The following GRIN1 variants were observed in gnomAD, a reference collection of about 807,000 sequenced individuals.
The protein encoded by GRIN1 is glutamate ionotropic receptor NMDA type subunit 1.
GRIN1 carries 38 observed loss-of-function variants against 103.0 expected under a neutral mutation model. That is an observed-to-expected ratio of 0.37 (90% CI 0.28 to 0.48). GRIN1 has a LOEUF of 0.48. GRIN1 is among the 20% of genes least tolerant of loss of function. The pLI, the probability that GRIN1 is intolerant of heterozygous loss-of-function variation, is 0.98. For synonymous variants in GRIN1, 544 were observed against 532.7 expected (o/e 1.02, Z -0.29); for missense variants, 577 against 1,288.9 (o/e 0.45, Z 8.46).
intron 3 of GRIN1, among the ~76,000 whole-genome samples, chr9:137,147,686 A>C (rs531291251): frequency 3.3e-5 from 5 of 152,294 alleles, no homozygotes; most frequent in African/African-American, 1.2e-4. Flanking sequence ...CCAGTTAGTG[A>C]GGATACCTCG....
intron 3 of GRIN1, among the ~76,000 whole-genome samples, chr9:137,148,651 A>T (rs1832678326): frequency 6.6e-6 from 1 of 152,206 alleles, no homozygotes; most frequent in African/African-American, 2.4e-5. Context: ...TGCATTCCAA[A>T]ACTCTTTTCT....
Position 137,146,215 on chromosome 9 carries a change from C to T in GRIN1, c.570+313C>T, listed in dbSNP as rs1008405717. On this transcript the variant is annotated intron_variant, in intron 3 of 19. Transcript: ENST00000371561. The surrounding 1 kb of genome is among the most constrained non-coding windows in gnomAD (Gnocchi z 6.7). ...CCATGCCCCTCGCTCCCTGGAGGCC[C>T]CAGCCGGGCTTGGGACTCGTCACCC... Among the ~76,000 whole-genome samples the T allele has an allele frequency of 5.3e-5, 8 of 152,108 alleles. No individual in the cohort carries two copies. The highest frequency in any genetic ancestry group is 1.7e-4 in the African/African-American group (7 of 41,414).
At chr9:137,151,059 C>T (rs1351144158) in intron 4 of GRIN1, among the ~76,000 whole-genome samples, 4 of 145,746 alleles carry the variant, frequency 2.7e-5, no homozygotes, top group Non-Finnish European at 3.0e-5. Context: ...AAAGTCCCGC[C>T]CAGGGAAAGC....
chr9:137,152,639 C>CAGGTTGAT (rs1832972930), intron 4 of GRIN1, among the ~76,000 whole-genome samples: 1 of 151,878 alleles, frequency 6.6e-6, no homozygotes, highest in Non-Finnish European at 1.5e-5. Context: ...CACAGGTTGA[C>CAGGTTGAT]CCCGCGTTGC....
chr9:137,167,744 G>A lies in GRIN1; in HGVS notation c.*217G>A. 6.2e-7 allele frequency: 1 copy of A among 1,611,308 alleles called. No homozygotes were observed. Among genetic ancestry groups the A allele is most frequent in the South Asian group, 1.1e-5 (1 of 91,058 alleles). Reference sequence around the variant, plus strand: ...CGTGCCCCCAGCGTGGGGCTAACGGGCGCCTTGTCTGTGTATTTCTATTTT... The same window carrying A: ...CGTGCCCCCAGCGTGGGGCTAACGGACGCCTTGTCTGTGTATTTCTATTTT... On this transcript the variant is annotated 3_prime_UTR_variant, in exon 20 of 20. Transcript: ENST00000371561.
chr9:137,158,357 T>C, intron 6 of GRIN1, 22 bp from the exon 7 acceptor site: 2 of 1,612,774 alleles, frequency 1.2e-6, no homozygotes, highest in Non-Finnish European at 1.7e-6. Flanking sequence ...CTGAGAAGCC[T>C]CAGCTATGCT....
chr9:137,144,618 G>A (rs1484234912), intron 2 of GRIN1, among the ~76,000 whole-genome samples: 3 of 150,260 alleles, frequency 2.0e-5, no homozygotes, highest in Non-Finnish European at 4.4e-5. Flanking sequence ...TTGCACTCCA[G>A]CCTGGGTAAC....
rs75761818 is a variant in GRIN1, at chr9:137,165,558, C to T, written c.2700+262C>T. 3.3e-4 allele frequency: 172 copies of T among 528,006 alleles called. No homozygotes were observed. In the East Asian group the frequency reaches 4.4e-3, roughly 14 times the overall value. The allele number at this position is 528,006 out of a possible 1,614,324, so 32.7% of individuals were successfully genotyped here. On this transcript the variant is annotated intron_variant, in intron 19 of 19. Coordinates refer to ENST00000371561, the MANE Select transcript of GRIN1 (RefSeq NM_007327.4). ...CCCACCTCCCCTGCCATGACCCACA[C>T]GCCATCTTGAAGCCTGTCATCTCGT... is the stretch of plus-strand genomic sequence containing the variant.
rs527361723 is a variant in GRIN1 at position 137,149,208 on chromosome 9, C to T, written c.671+99C>T. The T allele has an allele frequency of 1.3e-5, 11 of 843,796 alleles. No homozygotes were observed. The African/African-American group carries it at 1.3e-4, about 10-fold the overall frequency. The allele number at this position is 843,796 out of a possible 1,614,324, so 52.3% of individuals were successfully genotyped here. A position where few individuals can be genotyped will look rare whatever the true frequency, so the allele number is the denominator to read the frequency against. ...GCTGGGACATTGTTGGGCACAGTGA[C>T]CTTCAGCTTCCAAAGCACCTTCACC... On this transcript the variant is annotated intron_variant, in intron 4 of 19. Transcript: ENST00000371561.
At chr9:137,158,265 G>A in intron 6 of GRIN1, 114 bp from the exon 7 acceptor site, 2 of 1,180,094 alleles carry the variant, frequency 1.7e-6, no homozygotes, top group East Asian at 2.4e-5. Flanking sequence ...GCAGGAGAAG[G>A]AGCAGGGAGA....
intron 4 of GRIN1, among the ~76,000 whole-genome samples, chr9:137,155,381 T>C (rs1012221828): frequency 1.3e-5 from 2 of 152,226 alleles, no homozygotes; most frequent in African/African-American, 4.8e-5. Flanking sequence ...CCAGTGCTAC[T>C]GGGAGCACTT....
At position 137,163,828 on chromosome 9, in the gene GRIN1, A is replaced by G; in HGVS notation, c.2513A>G (p.Lys838Arg). 1 of 1,613,340 alleles carries G rather than the reference A, an allele frequency of 6.2e-7. No homozygotes were observed. The highest frequency in any genetic ancestry group is 8.5e-7 in the Non-Finnish European group (1 of 1,179,976). Reference sequence around the variant, plus strand: ...CTGATTTTCATCGAGATTGCCTACAAGCGGCACAAGGATGCTCGCCGGAAG... The same window carrying G: ...CTGATTTTCATCGAGATTGCCTACAGGCGGCACAAGGATGCTCGCCGGAAG... ...IFLIFIEIAY[K>R]RHKDARRKQM... The change falls in exon 18 of 20, where the codon AAG becomes AGG. Residue 838 changes from lysine to arginine, a missense_variant. Physicochemically the swap from Lys to Arg is conservative, Grantham distance 26. Transcript: ENST00000371561.
rs1176149787 is a variant in GRIN1 at position 137,139,406 on chromosome 9, G to A, written c.-81G>A. On this transcript the variant is annotated 5_prime_UTR_variant, in exon 1 of 20. Coordinates refer to ENST00000371561, the MANE Select transcript of GRIN1 (RefSeq NM_007327.4). The surrounding 1 kb of genome is among the most constrained non-coding windows in gnomAD (Gnocchi z 7.7). ...CAGCCCGCGGGGCCGGGCGAGCGCA[G>A]GACGGCCCGGAAGCCCCGCGGGGGA... is the stretch of plus-strand genomic sequence containing the variant. 4.8e-6 allele frequency: 5 copies of A among 1,039,458 alleles called. No homozygotes were observed. The highest frequency in any genetic ancestry group is 6.2e-6 in the Non-Finnish European group (5 of 802,246). 64.4% of individuals were successfully genotyped at this position (1,039,458 alleles called of 1,614,324 possible). A position where few individuals can be genotyped will look rare whatever the true frequency, so the allele number is the denominator to read the frequency against.
intron 6 of GRIN1, among the ~76,000 whole-genome samples, 168 bp from the exon 7 acceptor site, chr9:137,158,211 G>A (rs749880203): frequency 3.3e-5 from 5 of 152,210 alleles, no homozygotes; most frequent in East Asian, 1.9e-4. Context: ...TGATCTTTCC[G>A]TTCTTGGGAC....
chr9:137,167,153 T>C (rs1379950899), intron 19 of GRIN1, among the ~76,000 whole-genome samples: 1 of 151,620 alleles, frequency 6.6e-6, no homozygotes, highest in Non-Finnish European at 1.5e-5. Flanking sequence ...AAGGCTGAAC[T>C]GTGGGGGGCA....
At chr9:137,153,076 ACAC>A (rs1181885843) in intron 4 of GRIN1, among the ~76,000 whole-genome samples, 2 of 150,896 alleles carry the variant, frequency 1.3e-5, no homozygotes, top group Non-Finnish European at 3.0e-5. Flanking sequence ...TGCCATATAC[ACAC>A]CACGTGTACA....
chr9:137,160,283 C>T (rs938046807), intron 8 of GRIN1, among the ~76,000 whole-genome samples: 3 of 152,242 alleles, frequency 2.0e-5, no homozygotes, highest in Non-Finnish European at 4.4e-5. Flanking sequence ...GTCCCAGGTC[C>T]TGTGCAGGTG....
Position 137,159,287 on chromosome 9 carries a change from A to T in GRIN1, c.1197+583A>T, listed in dbSNP as rs143713044. On this transcript the variant is annotated intron_variant, in intron 8 of 19. Coordinates refer to ENST00000371561, the MANE Select transcript of GRIN1 (RefSeq NM_007327.4). ...GCCACACTACCCCCACTCCACACAC[A>T]CTCCAGTCCTGGTAGCATCACAGAC... is the stretch of plus-strand genomic sequence containing the variant. Among the ~76,000 whole-genome samples the T allele has an allele frequency of 1.5e-3, 221 of 150,686 alleles. 1 individual carries two copies. The highest frequency in any genetic ancestry group is 5.1e-3 in the African/African-American group (208 of 40,900).
In GRIN1 at chr9:137,146,758, G is replaced by C. The variant is rs1242826793; in HGVS notation, c.570+856G>C. The stretch of plus-strand genomic sequence containing the variant: ...GTGGGAGGAGGCCCAGGCTGAGGAG[G>C]GCCAGACCTATGGGTGGCTGGGAGC... On this transcript the variant is annotated intron_variant, in intron 3 of 19. Transcript: ENST00000371561. The surrounding 1 kb of genome is among the most constrained non-coding windows in gnomAD (Gnocchi z 6.7). Among the ~76,000 whole-genome samples, 1 of 152,152 alleles carries C rather than the reference G, an allele frequency of 6.6e-6. No homozygotes were observed. The highest frequency in any genetic ancestry group is 1.5e-5 in the Non-Finnish European group (1 of 68,014).
Sources: gnomAD v4.1 joint callset for allele counts (sites outside exome capture counted in the v4.1 genomes callset) on GRCh38, gnomAD v4.1.1 for gene constraint, Gnocchi (gnomAD v3.1) non-coding constraint, MANE v1.5 for transcripts, NCBI Gene and HGNC (gene_info 2026-07-23, HGNC 2026-07-21) for gene names.